Variants in DPH6 observed in about 807,000 individuals in gnomAD.
DPH6 encodes the protein diphthine--ammonia ligase.
In DPH6, 33 loss-of-function variants were observed where a neutral mutation model predicts 38.2. The ratio of observed to expected loss-of-function variants is 0.86; its 90% CI spans 0.65 to 1.15. DPH6 has a LOEUF of 1.15. Ranked by LOEUF, DPH6 falls within the 50% of genes most tolerant of loss-of-function variation. The pLI is 0.00. For missense variants in DPH6, 325 were observed against 320.0 expected (o/e 1.02, Z -0.12); for synonymous variants, 108 against 103.0 (o/e 1.05, Z -0.30).
intron 3 of DPH6, among the ~76,000 whole-genome samples, chr15:35,535,863 T>C (rs1242499863): frequency 4.6e-5 from 7 of 152,122 alleles, no homozygotes; most frequent in Non-Finnish European, 1.5e-5. Context: ...ACTCTACAAG[T>C]TCCTCCAAGT....
intron 6 of DPH6, among the ~76,000 whole-genome samples, chr15:35,407,866 A>C (rs1246234597): frequency 6.6e-6 from 1 of 152,026 alleles, no homozygotes; most frequent in African/African-American, 2.4e-5. Context: ...GGGTCTCACA[A>C]GTTGTGACCT....
Position 35,538,477 on chromosome 15 carries a change from T to C in DPH6, c.119-10A>G. ...AGTTCATCAGACCCCACTGCAACAA[T>C]TAAAATGGAAATAATTAGCAAAAGA... On this transcript the variant is annotated splice_polypyrimidine_tract_variant and intron_variant, in intron 2 of 8. Transcript: ENST00000256538. 1 of 1,480,308 alleles carries C rather than the reference T, an allele frequency of 6.8e-7. No homozygotes were observed. Among genetic ancestry groups the C allele is most frequent in the Non-Finnish European group, 9.1e-7 (1 of 1,096,510 alleles). The allele number at this position is 1,480,308 out of a possible 1,614,324, so 91.7% of individuals were successfully genotyped here.
At chr15:35,436,504 C>CAAACA (rs1189101516) in intron 5 of DPH6, among the ~76,000 whole-genome samples, 1 of 108,216 alleles carries the variant, frequency 9.2e-6, no homozygotes, top group Non-Finnish European at 1.7e-5. Context: ...CAAAACAAAA[C>CAAACA]AAAACAAAAC....
intron 3 of DPH6, among the ~76,000 whole-genome samples, chr15:35,516,761 C>A (rs1005805740): frequency 2.0e-5 from 3 of 152,082 alleles, no homozygotes; most frequent in Non-Finnish European, 4.4e-5. Context: ...CACATAGTAA[C>A]CCTAATCACA....
chr15:35,368,772 G>A (rs1001165170), downstream of DPH6, among the ~76,000 whole-genome samples: 5 of 151,882 alleles, frequency 3.3e-5, no homozygotes, highest in South Asian at 8.3e-4. Flanking sequence ...ACACTTTGAG[G>A]GGAAAATGAG....
chr15:35,464,221 G>A (rs1202034999), intron 3 of DPH6, among the ~76,000 whole-genome samples: 2 of 151,714 alleles, frequency 1.3e-5, no homozygotes, highest in African/African-American at 4.9e-5. Flanking sequence ...TTGAACCAGG[G>A]AGTCAGAGGT....
chr15:35,474,308 T>G (rs2054238559), intron 3 of DPH6, among the ~76,000 whole-genome samples: 1 of 152,148 alleles, frequency 6.6e-6, no homozygotes, highest in Non-Finnish European at 1.5e-5. Flanking sequence ...GAAGTGCTGT[T>G]ATAACTAGAG....
chr15:35,225,919 GT>G (rs1193930308), intron 3 of DPH6, among the ~76,000 whole-genome samples: 1 of 152,052 alleles, frequency 6.6e-6, no homozygotes. Context: ...TTTTTTATTT[GT>G]GATTTTAACC....
At chr15:35,502,829 A>C (rs1308998559) in intron 3 of DPH6, among the ~76,000 whole-genome samples, 1 of 150,488 alleles carries the variant, frequency 6.6e-6, no homozygotes, top group African/African-American at 2.4e-5. Context: ...TACTTAGCAC[A>C]ATTATTAATA....
chr15:35,471,768 T>C (rs2054201316), intron 3 of DPH6, among the ~76,000 whole-genome samples: 1 of 152,216 alleles, frequency 6.6e-6, no homozygotes, highest in Non-Finnish European at 1.5e-5. Flanking sequence ...AAGCTCTCTC[T>C]CATTTAAATC....
intron 3 of DPH6, among the ~76,000 whole-genome samples, chr15:35,506,208 A>G (rs1007431093): frequency 6.6e-6 from 1 of 152,200 alleles, no homozygotes; most frequent in Non-Finnish European, 1.5e-5. Flanking sequence ...TAACACAAAT[A>G]TTAAATCACC....
At chr15:35,466,022 G>A (rs890272715) in intron 3 of DPH6, among the ~76,000 whole-genome samples, 1 of 152,046 alleles carries the variant, frequency 6.6e-6, no homozygotes, top group Non-Finnish European at 1.5e-5. Flanking sequence ...TTGAGTTTCT[G>A]AAGCAATCTT....
At chr15:35,356,822 A>C (rs1331129627) in intron 3 of DPH6, among the ~76,000 whole-genome samples, 1 of 152,180 alleles carries the variant, frequency 6.6e-6, no homozygotes, top group Non-Finnish European at 1.5e-5. Flanking sequence ...TCAGACAGGG[A>C]CATTTAAAAC....
At chr15:35,435,950 T>C (rs916842734) in intron 5 of DPH6, among the ~76,000 whole-genome samples, 1 of 152,068 alleles carries the variant, frequency 6.6e-6, no homozygotes, top group Non-Finnish European at 1.5e-5. Flanking sequence ...CTTCTTTTTT[T>C]TGGGACCGTA....
At chr15:35,298,477 T>G (rs1047097402) in intron 3 of DPH6, 10 of 771,492 alleles carry the variant, frequency 1.3e-5, no homozygotes, top group African/African-American at 1.2e-4. Context: ...CTTCCTTGGT[T>G]TTAACTTCCA....
At chr15:35,521,832 A>G in intron 3 of DPH6, 1 of 1,316,274 alleles carries the variant, frequency 7.6e-7, no homozygotes, top group African/African-American at 1.5e-5. Context: ...GTGCTCCTAA[A>G]GGAGTATAAA....
chr15:35,156,403 T>C, the DPH6 span, among the ~76,000 whole-genome samples: 1 of 152,174 alleles, frequency 6.6e-6, no homozygotes, highest in Non-Finnish European at 1.5e-5. Context: ...AAGAGTTTAA[T>C]AATAAATATC....
intron 3 of DPH6, among the ~76,000 whole-genome samples, chr15:35,314,395 G>A (rs992576822): frequency 3.3e-5 from 5 of 152,062 alleles, no homozygotes; most frequent in African/African-American, 4.8e-5. Flanking sequence ...TTAGGCTATG[G>A]AAATGATGTT....
At chr15:35,543,259 AATATATATAT>A (rs6145522) in intron 1 of DPH6, among the ~76,000 whole-genome samples, 148 of 114,096 alleles carry the variant, frequency 1.3e-3, no homozygotes, top group African/African-American at 3.8e-3. Flanking sequence ...ACATACACAT[AATATATATAT>A]ATATATATAT....
Sources: gnomAD v4.1 joint callset for allele counts (sites outside exome capture counted in the v4.1 genomes callset) on GRCh38, gnomAD v4.1.1 for gene constraint, MANE v1.5 for transcripts, NCBI Gene and HGNC (gene_info 2026-07-23, HGNC 2026-07-21) for gene names.